Variants in FAM20C observed in about 807,000 individuals in gnomAD.
FAM20C encodes FAM20C golgi associated secretory pathway kinase.
A neutral mutation model predicts 51.5 loss-of-function variants in FAM20C; 40 were observed. The observed-to-expected ratio is 0.78, with a 90% CI of 0.60 to 1.01. The LOEUF is 1.01. Ranked by LOEUF, FAM20C falls within the 50% of genes least tolerant of loss-of-function variation. The pLI, the probability that FAM20C is intolerant of heterozygous loss-of-function variation, is 0.00. For synonymous variants in FAM20C, 406 were observed against 380.6 expected, an observed-to-expected ratio of 1.07 and a Z score of -0.78; for missense variants, 861 against 844.7, an observed-to-expected ratio of 1.02 and a Z score of -0.24.
At chr7:203,435 G>A (rs1422393922) in intron 2 of FAM20C, among the ~76,000 whole-genome samples, 5 of 152,348 alleles carry the variant, frequency 3.3e-5, no homozygotes, top group African/African-American at 1.2e-4. Context: ...CTTCCTGGGT[G>A]GGAGGGCAGG....
chr7:196,903 C>T (rs895865127), intron 2 of FAM20C, among the ~76,000 whole-genome samples: 1 of 152,212 alleles, frequency 6.6e-6, no homozygotes, highest in Non-Finnish European at 1.5e-5. Flanking sequence ...TGGGAGTCCT[C>T]TTCCCTCCAT....
At chr7:203,203 G>C (rs184330117) in intron 2 of FAM20C, among the ~76,000 whole-genome samples, 1 of 152,338 alleles carries the variant, frequency 6.6e-6, no homozygotes, top group African/African-American at 2.4e-5. Context: ...GGTTGGGCAG[G>C]CTCTGACTGA....
chr7:256,401 G>T, intron 6 of FAM20C: 1 of 576,624 alleles, frequency 1.7e-6, no homozygotes, highest in South Asian at 2.1e-5. Context: ...TTTCCCCACA[G>T]AGACTCTGCA....
chr7:195,604 C>T lies in FAM20C; in HGVS notation c.656C>T (p.Ala219Val). ...GAEFLSPGEA[A>V]VDSYPNWLKF... Reference sequence around the variant, plus strand: ...GAATTCCTCTCCCCCGGGGAGGCGGCCGTGGACTCCTATCCCAACTGGCTC... The same window carrying T: ...GAATTCCTCTCCCCCGGGGAGGCGGTCGTGGACTCCTATCCCAACTGGCTC... Residue 219 changes from alanine to valine, a missense_variant, in exon 2 of 10, where the codon GCC becomes GTC. Physicochemically the swap from Ala to Val is moderately conservative, Grantham distance 64 (BLOSUM62 0). Around this residue, in one of 3 missense-constraint regions of FAM20C, gnomAD observed 561 missense variants for 499.8 expected, o/e 1.12. Transcript: ENST00000313766. 1 of 1,604,084 alleles carries T rather than the reference C, an allele frequency of 6.2e-7. No homozygotes were observed. The highest frequency in any genetic ancestry group is 1.7e-4 in the Middle Eastern group (1 of 6,038).
intron 3 of FAM20C, among the ~76,000 whole-genome samples, chr7:223,975 C>T (rs1318897132): frequency 6.6e-6 from 1 of 152,168 alleles, no homozygotes; most frequent in African/African-American, 2.4e-5. Context: ...CAGGACCGTC[C>T]TGTGTCTGCC....
intron 3 of FAM20C, among the ~76,000 whole-genome samples, chr7:237,371 G>A (rs913904276): frequency 2.0e-5 from 3 of 152,210 alleles, no homozygotes; most frequent in Admixed American, 1.3e-4. Context: ...ATCACACAAC[G>A]TTGTCACTGT....
intron 3 of FAM20C, chr7:228,275 G>A: frequency 2.8e-6 from 1 of 355,530 alleles, no homozygotes; most frequent in South Asian, 2.1e-5. Flanking sequence ...CAGGGTCTTG[G>A]CTCAGTGCTG....
intron 3 of FAM20C, among the ~76,000 whole-genome samples, chr7:219,091 C>G (rs1450897645): frequency 6.6e-6 from 1 of 151,830 alleles, no homozygotes; most frequent in Non-Finnish European, 1.5e-5. Flanking sequence ...CTGGGGTCGT[C>G]ACCATGGGTG....
chr7:208,807 C>T, intron 2 of FAM20C, 91 bp from the exon 3 acceptor site: 1 of 1,340,564 alleles, frequency 7.5e-7, no homozygotes, highest in Non-Finnish European at 1.0e-6. Flanking sequence ...GCCCAGAGGA[C>T]CCGGATTGCA....
At chr7:212,882 G>A (rs961075460) in intron 3 of FAM20C, among the ~76,000 whole-genome samples, 2 of 152,142 alleles carry the variant, frequency 1.3e-5, no homozygotes, top group Admixed American at 1.3e-4. Context: ...AGAACTGTGC[G>A]TTCATCACCG....
chr7:256,473 G>A, intron 6 of FAM20C, 181 bp from the exon 7 acceptor site: 1 of 616,848 alleles, frequency 1.6e-6, no homozygotes, highest in Non-Finnish European at 2.9e-6. Flanking sequence ...GCAGGGCAGA[G>A]CGGCTCCGTC....
At chr7:231,399 C>T (rs890125001) in intron 3 of FAM20C, among the ~76,000 whole-genome samples, 32 of 150,402 alleles carry the variant, frequency 2.1e-4, no homozygotes, top group Non-Finnish European at 2.7e-4. Flanking sequence ...AGGAGGGTCC[C>T]GGCGTCGAGG....
intron 2 of FAM20C, among the ~76,000 whole-genome samples, chr7:207,606 G>A (rs1029725823): frequency 1.3e-5 from 2 of 152,186 alleles, no homozygotes; most frequent in African/African-American, 2.4e-5. Context: ...ACCCCACCAC[G>A]TTCCATTTAC....
In FAM20C at chr7:208,062, A is replaced by G. The variant is rs1343580862; in HGVS notation, c.785-836A>G. Among the ~76,000 whole-genome samples, 4 of 151,810 alleles carry G rather than the reference A, an allele frequency of 2.6e-5. No homozygotes were observed. In the East Asian group the frequency reaches 7.8e-4, roughly 29 times the overall value. The stretch of plus-strand genomic sequence containing the variant: ...TTCAGCCCCAGGTCTCCCCAAAGTC[A>G]CCCTGCTCAGGTTGCTTGTAGCTCC... On this transcript the variant is annotated intron_variant, in intron 2 of 9. Coordinates refer to ENST00000313766, the MANE Select transcript of FAM20C (RefSeq NM_020223.4).
At chr7:230,372 T>TG (rs58866144) in intron 3 of FAM20C, among the ~76,000 whole-genome samples, 363 of 7,464 alleles carry the variant, frequency 0.049, 9 homozygotes, top group South Asian at 0.069. Context: ...CAGGACGGGG[T>TG]GGGGGGGGGG....
chr7:248,124 C>A (rs905304724), intron 4 of FAM20C, among the ~76,000 whole-genome samples, 191 bp from the exon 5 acceptor site: 1 of 152,106 alleles, frequency 6.6e-6, no homozygotes, highest in Non-Finnish European at 1.5e-5. Flanking sequence ...GCCTCTCCCA[C>A]CCCCATCACC....
At chr7:256,854 G>T in intron 7 of FAM20C, 91 bp downstream of exon 7, 1 of 1,441,262 alleles carries the variant, frequency 6.9e-7, no homozygotes, top group Non-Finnish European at 9.4e-7. Flanking sequence ...TCCGTGGCAC[G>T]GCCCGGCTGC....
intron 3 of FAM20C, among the ~76,000 whole-genome samples, chr7:230,372 T>TCG (rs770436412): frequency 1.3e-4 from 1 of 7,466 alleles, no homozygotes; most frequent in Non-Finnish European, 3.3e-4. Context: ...CAGGACGGGG[T>TCG]GGGGGGGGGG....
At position 259,714 on chromosome 7, in the gene FAM20C, G is replaced by A; in HGVS notation, c.1506-17G>A. 6.6e-7 allele frequency: 1 copy of A among 1,526,412 alleles called. No homozygotes were observed. Among genetic ancestry groups the A allele is most frequent in the Non-Finnish European group, 8.8e-7 (1 of 1,139,642 alleles). 94.6% of individuals were successfully genotyped at this position (1,526,412 alleles called of 1,614,324 possible). On this transcript the variant is annotated splice_polypyrimidine_tract_variant and intron_variant, in intron 9 of 9. Coordinates refer to ENST00000313766, the MANE Select transcript of FAM20C (RefSeq NM_020223.4). ...TCCCCTGTCCCGTGCCAGGCCTGAT[G>A]CCCCTCTCCTCCCCAGGATCCGGAA...
Sources: gnomAD v4.1 joint callset for allele counts (sites outside exome capture counted in the v4.1 genomes callset) on GRCh38, gnomAD v4.1.1 for gene constraint, gnomAD v4.1.1 regional missense constraint, MANE v1.5 for transcripts, NCBI Gene and HGNC (gene_info 2026-07-23, HGNC 2026-07-21) for gene names.